The following SCIN variants were observed in gnomAD, a reference collection of about 807,000 sequenced individuals.
SCIN encodes the protein adseverin.
Under a neutral mutation model 91.8 loss-of-function variants are expected in SCIN, and 91 were observed. The observed-to-expected ratio is 0.99, with a 90% CI of 0.84 to 1.18. SCIN has a LOEUF of 1.18. Among genes scored for constraint, SCIN ranks in the 50% most tolerant of loss-of-function variants. The pLI is 0.00. For missense variants in SCIN, 1,087 were observed against 863.9 expected (o/e 1.26, Z -3.24); for synonymous variants, 367 against 312.6 (o/e 1.17, Z -1.84).
intron 5 of SCIN, among the ~76,000 whole-genome samples, chr7:12,624,021 A>G (rs913503838): frequency 2.6e-5 from 4 of 152,192 alleles, no homozygotes; most frequent in Non-Finnish European, 5.9e-5. Context: ...TCCCTCCTGG[A>G]CAGCATTATG....
chr7:12,585,386 T>A (rs1782566666), intron 3 of SCIN, among the ~76,000 whole-genome samples: 1 of 152,162 alleles, frequency 6.6e-6, no homozygotes, highest in African/African-American at 2.4e-5. Context: ...AAGTGCTTTT[T>A]TAAAGGATTT....
chr7:12,628,081 A>T (rs529175158), intron 8 of SCIN, among the ~76,000 whole-genome samples: 1 of 151,860 alleles, frequency 6.6e-6, no homozygotes, highest in African/African-American at 2.4e-5. Flanking sequence ...TTGCATGTAC[A>T]CACACAGTGC....
At chr7:12,649,674 C>A in intron 14 of SCIN, 130 bp downstream of exon 14, 1 of 481,168 alleles carries the variant, frequency 2.1e-6, no homozygotes, top group Non-Finnish European at 3.6e-6. Context: ...AAAACACACA[C>A]ACACATTTGG....
At position 12,611,664 on chromosome 7, in the gene SCIN, G is replaced by A. The variant is rs76456550; in HGVS notation, c.666+7001G>A. 9.9e-3 allele frequency among the ~76,000 whole-genome samples: 1,507 copies of A among 152,202 alleles called. 18 individuals are homozygous for A. The highest frequency in any genetic ancestry group is 0.035 in the African/African-American group (1,455 of 41,530). ...AAAGAAGTACTAGTAATTGAAATGGGGAGCTTTGTGAAAATCCCTCTCACG... is the reference window on the plus strand; with the variant it reads ...AAAGAAGTACTAGTAATTGAAATGGAGAGCTTTGTGAAAATCCCTCTCACG... On this transcript the variant is annotated intron_variant, in intron 4 of 15. Coordinates refer to ENST00000297029, the MANE Select transcript of SCIN (RefSeq NM_001112706.3).
chr7:12,606,100 C>T (rs1275021193), intron 4 of SCIN, among the ~76,000 whole-genome samples: 1 of 152,122 alleles, frequency 6.6e-6, no homozygotes, highest in Non-Finnish European at 1.5e-5. Flanking sequence ...TTTGTTCATA[C>T]AACAAATATT....
chr7:12,629,328 G>C lies in SCIN; in HGVS notation c.1319+106G>C. 3.6e-6 allele frequency: 4 copies of C among 1,120,182 alleles called. No homozygotes were observed. In the South Asian group the frequency reaches 7.8e-5, roughly 22 times the overall value. The allele number at this position is 1,120,182 out of a possible 1,614,324, so 69.4% of individuals were successfully genotyped here. ...GTAGAATAATCCTATAATCATCCCA[G>C]TGAGATTTGTATAGCATGCATATAG... On this transcript the variant is annotated intron_variant, in intron 9 of 15. Transcript: ENST00000297029.
intron 13 of SCIN, among the ~76,000 whole-genome samples, chr7:12,648,421 C>T (rs1365719351): frequency 6.6e-6 from 1 of 151,770 alleles, no homozygotes; most frequent in African/African-American, 2.4e-5. Context: ...ATCAGCCTCC[C>T]AAGTAGCTGG....
intron 3 of SCIN, chr7:12,595,657 A>G (rs1055972374): frequency 1.1e-4 from 17 of 152,210 alleles, no homozygotes; most frequent in African/African-American, 3.6e-4. Context: ...ATATTCAGCC[A>G]TAGCTTCACA....
intron 3 of SCIN, among the ~76,000 whole-genome samples, chr7:12,604,303 A>G (rs906783138): frequency 4.6e-5 from 7 of 152,100 alleles, no homozygotes; most frequent in Non-Finnish European, 1.0e-4. Flanking sequence ...GGTGATATAT[A>G]TATTTATATT....
Position 12,578,211 on chromosome 7 carries a change from A to G in SCIN, c.347A>G (p.Lys116Arg), listed in dbSNP as rs181499926. Reference protein sequence around the residue: ...DFVSYFKGGLKYKAGGVASGL... With the variant: ...DFVSYFKGGLRYKAGGVASGL... Reference sequence around the variant, plus strand: ...GTTAGCTATTTCAAAGGCGGTCTGAAATACAAGGTAAGCAGCTCCCTCAGT... The same window carrying G: ...GTTAGCTATTTCAAAGGCGGTCTGAGATACAAGGTAAGCAGCTCCCTCAGT... Residue 116 changes from lysine (K) to arginine (R), a missense_variant, in exon 2 of 16, where the codon AAA becomes AGA. Coordinates refer to ENST00000297029, the MANE Select transcript of SCIN (RefSeq NM_001112706.3). 6.5e-7 allele frequency: 1 copy of G among 1,546,502 alleles called. No individual in the cohort carries two copies. Among genetic ancestry groups the G allele is most frequent in the East Asian group, 2.5e-5 (1 of 40,526 alleles).
chr7:12,599,469 G>T (rs1163213009), intron 3 of SCIN, among the ~76,000 whole-genome samples: 1 of 151,956 alleles, frequency 6.6e-6, no homozygotes. Flanking sequence ...TGTAGATTGT[G>T]CTGCTATACA....
chr7:12,575,601 A>G (rs372389487), intron 1 of SCIN, among the ~76,000 whole-genome samples: 1 of 152,208 alleles, frequency 6.6e-6, no homozygotes, highest in African/African-American at 2.4e-5. Flanking sequence ...CTTTTTATCT[A>G]TAAAATCATT....
rs150477853 is a variant in SCIN at position 12,593,520 on chromosome 7, A to G, written c.517-10994A>G. On this transcript the variant is annotated intron_variant, in intron 3 of 15. Coordinates refer to ENST00000297029, the MANE Select transcript of SCIN (RefSeq NM_001112706.3). ...TAAAACTTAAAGTATAATAATAATT[A>G]AAAAATAAATAAAATTTTTTAAAGA... Among the ~76,000 whole-genome samples, 45 of 152,298 alleles carry G rather than the reference A, an allele frequency of 3.0e-4. 1 individual carries two copies. The East Asian group carries it at 8.7e-3, about 29-fold the overall frequency.
intron 3 of SCIN, among the ~76,000 whole-genome samples, chr7:12,602,325 C>T (rs1451299638): frequency 6.6e-6 from 1 of 152,188 alleles, no homozygotes; most frequent in African/African-American, 2.4e-5. Context: ...ACAAAGATCA[C>T]ATGCTTCTGA....
At position 12,629,138 on chromosome 7, in the gene SCIN, A is replaced by G. The variant is rs775694629; in HGVS notation, c.1235A>G (p.Asp412Gly). 43 of 1,613,226 alleles carry G rather than the reference A, an allele frequency of 2.7e-5. No homozygotes were observed. Among genetic ancestry groups the G allele is most frequent in the Non-Finnish European group, 3.2e-5 (38 of 1,179,488 alleles). ...RVENNGRIQVDQNSYGEFYGG... is the reference protein window; with the variant it reads ...RVENNGRIQVGQNSYGEFYGG... ...GAAAACAATGGTAGGATCCAAGTTG[A>G]CCAAAACTCATATGGTGAATTCTAT... The change falls in exon 9 of 16, where the codon GAC (aspartate) becomes GGC (glycine). Residue 412 changes from aspartate to glycine, a missense_variant. Asp to Gly is a moderately conservative substitution (Grantham distance 94). Coordinates refer to ENST00000297029, the MANE Select transcript of SCIN (RefSeq NM_001112706.3).
Position 12,652,781 on chromosome 7 carries a change from A to T in SCIN, c.*66A>T. 6.4e-7 allele frequency: 1 copy of T among 1,559,294 alleles called. No individual in the cohort carries two copies. Among genetic ancestry groups the T allele is most frequent in the Non-Finnish European group, 8.6e-7 (1 of 1,160,118 alleles). ...TATCTCATTGCTGTTTTGGGAGAGG[A>T]ACGGGAAAAGCTTTTTGCTTATTTG... is the stretch of plus-strand genomic sequence containing the variant. On this transcript the variant is annotated 3_prime_UTR_variant, in exon 16 of 16. Coordinates refer to ENST00000297029, the MANE Select transcript of SCIN (RefSeq NM_001112706.3).
intron 15 of SCIN, 59 bp from the exon 16 acceptor site, chr7:12,652,529 C>A (rs1161416943): frequency 2.7e-6 from 4 of 1,464,428 alleles, no homozygotes; most frequent in Non-Finnish European, 3.7e-6. Context: ...TTTCAATCTG[C>A]AGTTACTTTA....
In SCIN at chr7:12,619,375, A is replaced by AAAAT. The variant is rs574152304; in HGVS notation, c.667-3410_667-3407dup. Among the ~76,000 whole-genome samples, 258 of 152,274 alleles carry AAAAT rather than the reference A, an allele frequency of 1.7e-3. 1 individual carries two copies. Among genetic ancestry groups the AAAAT allele is most frequent in the Middle Eastern group, 6.8e-3 (2 of 294 alleles). ...GTAGGTAAAGTTGACTAAAAGGTAA[A>AAAAT]AAATAAATAAATAAATAAAAACAGA... On this transcript the variant is annotated intron_variant, in intron 4 of 15. Coordinates refer to ENST00000297029, the MANE Select transcript of SCIN (RefSeq NM_001112706.3).
rs1783028742 is a variant in SCIN at position 12,604,444 on chromosome 7, C to T, written c.517-70C>T. ...TTCCTTTTTCTTTCCTAATTAATCA[C>T]AAGTATTACACTGAGGCTGAATGTC... On this transcript the variant is annotated intron_variant, in intron 3 of 15. Transcript: ENST00000297029. 10 of 1,355,170 alleles carry T rather than the reference C, an allele frequency of 7.4e-6. No homozygotes were observed. The East Asian group carries it at 2.3e-4, about 31-fold the overall frequency. 83.9% of individuals were successfully genotyped at this position (1,355,170 alleles called of 1,614,324 possible).
Sources: gnomAD v4.1 joint callset for allele counts (sites outside exome capture counted in the v4.1 genomes callset) on GRCh38, gnomAD v4.1.1 for gene constraint, MANE v1.5 for transcripts, NCBI Gene and HGNC (gene_info 2026-07-23, HGNC 2026-07-21) for gene names.